Variants in PPIP5K1 observed in about 807,000 individuals in gnomAD.
The protein encoded by PPIP5K1 is diphosphoinositol pentakisphosphate kinase 1.
In PPIP5K1, 6 loss-of-function variants were observed where a neutral mutation model predicts 27.7. That is an observed-to-expected ratio of 0.22 (90% CI 0.12 to 0.43). The LOEUF (loss-of-function observed/expected upper bound fraction) is 0.43, where lower values mean the gene tolerates loss of function less well. Among genes scored for constraint, PPIP5K1 ranks in the 20% least tolerant of loss-of-function variants. The probability of loss-of-function intolerance (pLI) is 1.00; values close to 1 mark genes in which losing one functional copy is unlikely to be tolerated. For synonymous variants in PPIP5K1, 145 were observed against 242.6 expected (o/e 0.60, Z 3.74); for missense variants, 394 against 635.4 (o/e 0.62, Z 4.08).
intron 30 of PPIP5K1, among the ~76,000 whole-genome samples, chr15:43,557,718 G>C (rs984062976): frequency 6.6e-6 from 1 of 151,370 alleles, no homozygotes; most frequent in Non-Finnish European, 1.5e-5. Flanking sequence ...AGGCTGGAGC[G>C]CAGTGGCGTG....
chr15:43,552,186 C>T (rs1322869868), intron 30 of PPIP5K1, among the ~76,000 whole-genome samples: 1 of 152,028 alleles, frequency 6.6e-6, no homozygotes, highest in East Asian at 1.9e-4. Context: ...AACTCTTGGG[C>T]TCAAGCAATC....
intron 11 of PPIP5K1, among the ~76,000 whole-genome samples, chr15:43,578,535 CAAAAAAAAAAA>C (rs150737493): frequency 3.9e-3 from 115 of 29,586 alleles, no homozygotes; most frequent in African/African-American, 9.3e-3. Context: ...GATCCTGTCG[CAAAAAAAAAAA>C]AAAAAAAAAA....
rs376449089 is a variant in PPIP5K1, at chr15:43,534,648, A to G, written c.*26T>C. On this transcript the variant is annotated 3_prime_UTR_variant, in exon 32 of 32. Coordinates refer to ENST00000420765, the MANE Select transcript of PPIP5K1 (RefSeq NM_001394395.1). ...AATACCCTCTCCAGGCAGCTGATCA[A>G]TCACTTCAGGGACCACCCAGGACTT... is the stretch of plus-strand genomic sequence containing the variant. 12 of 1,505,454 alleles carry G rather than the reference A, an allele frequency of 8.0e-6. No individual in the cohort carries two copies. The African/African-American group carries it at 9.8e-5, about 12-fold the overall frequency. The allele number at this position is 1,505,454 out of a possible 1,614,324, so 93.3% of individuals were successfully genotyped here. A position where few individuals can be genotyped will look rare whatever the true frequency, so the allele number is the denominator to read the frequency against.
chr15:43,552,063 C>T (rs567212999), intron 30 of PPIP5K1, among the ~76,000 whole-genome samples: 2 of 151,634 alleles, frequency 1.3e-5, no homozygotes, highest in African/African-American at 4.9e-5. Flanking sequence ...AAGCTCTCCT[C>T]CCACCTCAGA....
chr15:43,551,225 T>C (rs2082144480), intron 30 of PPIP5K1, among the ~76,000 whole-genome samples: 1 of 152,162 alleles, frequency 6.6e-6, no homozygotes, highest in Non-Finnish European at 1.5e-5. Context: ...TTTTTGTTAC[T>C]AATCTTTTTT....
intron 30 of PPIP5K1, 100 bp from the exon 31 acceptor site, chr15:43,539,683 C>A (rs1176758603): frequency 2.9e-6 from 2 of 693,118 alleles, no homozygotes; most frequent in Admixed American, 2.9e-5. Context: ...GCCAACTTAC[C>A]CTTCCTTGGC....
intron 31 of PPIP5K1, among the ~76,000 whole-genome samples, chr15:43,538,583 T>C (rs563580879): frequency 1.9e-4 from 29 of 151,796 alleles, no homozygotes; most frequent in Non-Finnish European, 2.8e-4. Flanking sequence ...CTGGAGTGCA[T>C]TGGCGCCATC....
At chr15:43,557,829 C>CG (rs2083196920) in intron 30 of PPIP5K1, among the ~76,000 whole-genome samples, 1 of 125,808 alleles carries the variant, frequency 7.9e-6, no homozygotes, top group African/African-American at 2.9e-5. Context: ...CATGCATAGC[C>CG]TTTTTTTTTT....
chr15:43,551,182 C>T (rs140591347), intron 30 of PPIP5K1, among the ~76,000 whole-genome samples: 41 of 152,128 alleles, frequency 2.7e-4, no homozygotes, highest in African/African-American at 9.4e-4. Context: ...ACCAGTGAAG[C>T]CATCTGGTTT....
At chr15:43,538,807 C>T (rs1157199955) in intron 31 of PPIP5K1, among the ~76,000 whole-genome samples, 1 of 151,008 alleles carries the variant, frequency 6.6e-6, no homozygotes, top group African/African-American at 2.4e-5. Flanking sequence ...CCATCATGCC[C>T]GGCCTCCTGC....
At chr15:43,551,107 C>A (rs1474455783) in intron 30 of PPIP5K1, among the ~76,000 whole-genome samples, 1 of 152,206 alleles carries the variant, frequency 6.6e-6, no homozygotes, top group Non-Finnish European at 1.5e-5. Context: ...ATGTTTCCTT[C>A]TCTTCAATTT....
intron 30 of PPIP5K1, among the ~76,000 whole-genome samples, chr15:43,555,362 A>T (rs1054414942): frequency 1.3e-5 from 2 of 149,978 alleles, no homozygotes; most frequent in Non-Finnish European, 3.0e-5. Context: ...TGCAACCTTC[A>T]CCTCCCAGGC....
intron 26 of PPIP5K1, among the ~76,000 whole-genome samples, chr15:43,565,661 C>T (rs1330005469): frequency 9.1e-6 from 1 of 110,448 alleles, no homozygotes; most frequent in African/African-American, 4.0e-5. Context: ...GTGATCCTCC[C>T]ATCTTAGCTT....
chr15:43,558,137 T>C (rs1250685647), intron 30 of PPIP5K1, among the ~76,000 whole-genome samples: 1 of 150,830 alleles, frequency 6.6e-6, no homozygotes, highest in Middle Eastern at 3.5e-3. Context: ...TCTTGGCTCA[T>C]AGCAATCTCC....
chr15:43,540,143 T>C (rs964379543), intron 30 of PPIP5K1, among the ~76,000 whole-genome samples: 2 of 151,944 alleles, frequency 1.3e-5, no homozygotes, highest in African/African-American at 4.8e-5. Context: ...TCCCAGCTAT[T>C]TGGAAGGCTG....
In PPIP5K1 at chr15:43,534,606, G is replaced by T; in HGVS notation, c.*68C>A. ...GCTCTGAGGGTTTGGATCACCAGAT[G>T]GATGCTGGGCTTGAGGAATACCCTC... is the stretch of plus-strand genomic sequence containing the variant. On this transcript the variant is annotated 3_prime_UTR_variant, in exon 32 of 32. Transcript: ENST00000420765. 7.2e-7 allele frequency: 1 copy of T among 1,388,456 alleles called. No individual in the cohort carries two copies. Among genetic ancestry groups the T allele is most frequent in the Non-Finnish European group, 9.7e-7 (1 of 1,029,336 alleles). The allele number at this position is 1,388,456 out of a possible 1,614,324, so 86.0% of individuals were successfully genotyped here.
At chr15:43,546,478 AT>A (rs1336607605) in intron 30 of PPIP5K1, among the ~76,000 whole-genome samples, 1 of 151,606 alleles carries the variant, frequency 6.6e-6, no homozygotes, top group Non-Finnish European at 1.5e-5. Context: ...TTTATTTCCT[AT>A]TTTGTAGAGA....
At chr15:43,537,716 G>C (rs922721753) in intron 31 of PPIP5K1, among the ~76,000 whole-genome samples, 5 of 145,038 alleles carry the variant, frequency 3.4e-5, no homozygotes, top group African/African-American at 1.0e-4. Context: ...AAGAGAGAGA[G>C]AGAGAGAGAG....
At chr15:43,543,828 C>T (rs1411069139) in intron 30 of PPIP5K1, among the ~76,000 whole-genome samples, 1 of 150,958 alleles carries the variant, frequency 6.6e-6, no homozygotes, top group Non-Finnish European at 1.5e-5. Context: ...TATTCACACA[C>T]TATATACATA....
Sources: gnomAD v4.1 joint callset for allele counts (sites outside exome capture counted in the v4.1 genomes callset) on GRCh38, gnomAD v4.1.1 for gene constraint, MANE v1.5 for transcripts, NCBI Gene and HGNC (gene_info 2026-07-23, HGNC 2026-07-21) for gene names.